PTPRD: variants seen among roughly 807,000 people sequenced by gnomAD.
The protein encoded by PTPRD is protein tyrosine phosphatase receptor type D, also known as receptor-type tyrosine-protein phosphatase delta.
A neutral mutation model predicts 214.5 loss-of-function variants in PTPRD; 34 were observed. The observed-to-expected ratio is 0.16, with a 90% CI of 0.12 to 0.21. The LOEUF is 0.21. Among genes scored for constraint, PTPRD ranks in the 10% least tolerant of loss-of-function variants. The pLI, the probability that PTPRD is intolerant of heterozygous loss-of-function variation, is 1.00. For synonymous variants in PTPRD, 1,128 were observed against 845.7 expected (o/e 1.33, Z -5.79); for missense variants, 2,545 against 2,398.7 (o/e 1.06, Z -1.27).
intron 12 of PTPRD, among the ~76,000 whole-genome samples, chr9:8,726,636 T>A (rs1358882025): frequency 5.9e-5 from 4 of 67,338 alleles, no homozygotes; most frequent in Admixed American, 4.3e-4. Flanking sequence ...TATATATATA[T>A]ATATATATAT....
intron 3 of PTPRD, among the ~76,000 whole-genome samples, chr9:10,263,984 G>C (rs1191063695): frequency 6.6e-6 from 1 of 152,192 alleles, no homozygotes; most frequent in Non-Finnish European, 1.5e-5. Context: ...CATGGCTTCA[G>C]AGGGTGCAAG....
rs567646453 is a variant in PTPRD at position 10,128,582 on chromosome 9, A to C, written c.-544-94792T>G. ...TCAGCCTCCAGAACTGCGAGACCATAAATTTCTGTTGTTTAAGCCACCCAT... is the reference window on the plus strand; with the variant it reads ...TCAGCCTCCAGAACTGCGAGACCATCAATTTCTGTTGTTTAAGCCACCCAT... On this transcript the variant is annotated intron_variant, in intron 3 of 45. Coordinates refer to ENST00000381196, the MANE Select transcript of PTPRD (RefSeq NM_002839.4). Among the ~76,000 whole-genome samples the C allele has an allele frequency of 2.6e-5, 4 of 152,292 alleles. 1 individual carries two copies. In the East Asian group the frequency reaches 7.7e-4, roughly 29 times the overall value.
At chr9:10,542,875 C>T (rs973007219) in intron 2 of PTPRD, among the ~76,000 whole-genome samples, 4 of 151,824 alleles carry the variant, frequency 2.6e-5, no homozygotes, top group South Asian at 2.1e-4. Flanking sequence ...TGCACTACCA[C>T]GCCAGGCTAA....
At chr9:10,415,397 G>A (rs369446163) in intron 2 of PTPRD, among the ~76,000 whole-genome samples, 1 of 151,778 alleles carries the variant, frequency 6.6e-6, no homozygotes, top group African/African-American at 2.4e-5. Context: ...CAAATGGGTT[G>A]TTTTATTATT....
rs567913129 is a variant in PTPRD, at chr9:9,331,562, G to A, written c.-203+65887C>T. 7.2e-5 allele frequency among the ~76,000 whole-genome samples: 11 copies of A among 152,164 alleles called. No individual in the cohort carries two copies. The East Asian group carries it at 2.1e-3, about 29-fold the overall frequency. On this transcript the variant is annotated intron_variant, in intron 9 of 45. Coordinates refer to ENST00000381196, the MANE Select transcript of PTPRD (RefSeq NM_002839.4). ...ATAACAGCTCTCAGGAGAGTAGATC[G>A]TTATGGATGATCTCTGACCTATAAA...
At chr9:9,192,324 C>G (rs993812025) in intron 9 of PTPRD, among the ~76,000 whole-genome samples, 1 of 152,084 alleles carries the variant, frequency 6.6e-6, no homozygotes, top group African/African-American at 2.4e-5. Flanking sequence ...AAATCTTCCA[C>G]TAGCTATCTT....
chr9:9,863,166 C>T (rs563048808), intron 5 of PTPRD, among the ~76,000 whole-genome samples: 1 of 152,040 alleles, frequency 6.6e-6, no homozygotes, highest in African/African-American at 2.4e-5. Flanking sequence ...GAAAAGCTGA[C>T]AACAGTCCAC....
chr9:9,473,608 T>C (rs192446647), intron 8 of PTPRD, among the ~76,000 whole-genome samples: 3 of 152,220 alleles, frequency 2.0e-5, no homozygotes. Flanking sequence ...TGTGTAAGAG[T>C]TCCCTTTCCT....
intron 2 of PTPRD, among the ~76,000 whole-genome samples, chr9:10,430,397 CGT>C (rs1182005722): frequency 6.6e-6 from 1 of 151,664 alleles, no homozygotes; most frequent in African/African-American, 2.4e-5. Flanking sequence ...TTACTTTACG[CGT>C]GTGAGTATGC....
At chr9:8,489,802 A>C (rs756544932) in intron 27 of PTPRD, among the ~76,000 whole-genome samples, 2 of 152,214 alleles carry the variant, frequency 1.3e-5, no homozygotes, top group South Asian at 4.1e-4. Context: ...ACAGATTGGC[A>C]ATGGAACTCA....
chr9:10,386,995 T>C (rs555349316), intron 2 of PTPRD, among the ~76,000 whole-genome samples: 3 of 151,664 alleles, frequency 2.0e-5, no homozygotes, highest in South Asian at 2.1e-4. Context: ...CCATCAGTCA[T>C]TGCTGGTTCA....
chr9:8,935,614 T>C (rs1023490884), intron 11 of PTPRD, among the ~76,000 whole-genome samples: 3 of 152,212 alleles, frequency 2.0e-5, no homozygotes, highest in Non-Finnish European at 4.4e-5. Flanking sequence ...TAACTAGTTT[T>C]ATCTTTACTA....
At chr9:8,621,438 T>C (rs987734663) in intron 14 of PTPRD, among the ~76,000 whole-genome samples, 4 of 152,068 alleles carry the variant, frequency 2.6e-5, no homozygotes, top group African/African-American at 9.6e-5. Flanking sequence ...CTTAAAAATG[T>C]TGATAGGGAA....
chr9:8,534,408 G>A (rs1380881838), intron 14 of PTPRD, among the ~76,000 whole-genome samples: 1 of 151,736 alleles, frequency 6.6e-6, no homozygotes, highest in Non-Finnish European at 1.5e-5. Context: ...TTTTGTTGAG[G>A]CAAACACTGT....
intron 14 of PTPRD, among the ~76,000 whole-genome samples, chr9:8,589,096 C>A (rs373859373): frequency 3.3e-5 from 5 of 152,004 alleles, no homozygotes; most frequent in African/African-American, 1.2e-4. Flanking sequence ...AAGTATATAC[C>A]ATCAACATTA....
chr9:9,634,977 A>T (rs1186294367), intron 7 of PTPRD, among the ~76,000 whole-genome samples: 1 of 152,204 alleles, frequency 6.6e-6, no homozygotes, highest in African/African-American at 2.4e-5. Flanking sequence ...TAAAATAAGG[A>T]TATGTGAAAC....
intron 7 of PTPRD, among the ~76,000 whole-genome samples, chr9:9,628,446 G>C (rs989972711): frequency 6.6e-6 from 1 of 152,066 alleles, no homozygotes; most frequent in African/African-American, 2.4e-5. Flanking sequence ...CCATTCTGAT[G>C]ATTTCTCAAT....
At chr9:8,781,802 G>C (rs781172257) in intron 11 of PTPRD, among the ~76,000 whole-genome samples, 5 of 152,112 alleles carry the variant, frequency 3.3e-5, no homozygotes, top group Non-Finnish European at 5.9e-5. Context: ...AACAAGTTTA[G>C]TGTCTTCTCT....
chr9:8,764,567 G>A (rs1215682778), intron 11 of PTPRD, among the ~76,000 whole-genome samples: 1 of 152,076 alleles, frequency 6.6e-6, no homozygotes, highest in Non-Finnish European at 1.5e-5. Context: ...GAAGGCCAAG[G>A]TGGGTGGATC....
Sources: gnomAD v4.1 joint callset for allele counts (sites outside exome capture counted in the v4.1 genomes callset) on GRCh38, gnomAD v4.1.1 for gene constraint, MANE v1.5 for transcripts, NCBI Gene and HGNC (gene_info 2026-07-23, HGNC 2026-07-21) for gene names.